SPIRE2: variants seen among roughly 807,000 people sequenced by gnomAD.
The protein encoded by SPIRE2 is protein spire homolog 2.
Under a neutral mutation model 80.7 loss-of-function variants are expected in SPIRE2, and 76 were observed. That is an observed-to-expected ratio of 0.94 (90% CI 0.78 to 1.14). The LOEUF is 1.14. Among genes scored for constraint, SPIRE2 ranks in the 50% most tolerant of loss-of-function variants. The pLI, the probability that SPIRE2 is intolerant of heterozygous loss-of-function variation, is 0.00. For synonymous variants in SPIRE2, 535 were observed against 432.6 expected, an observed-to-expected ratio of 1.24 and a Z score of -2.94; for missense variants, 1,196 against 1,015.3, an observed-to-expected ratio of 1.18 and a Z score of -2.42.
At chr16:89,860,566 T>G in intron 9 of SPIRE2, 117 bp from the exon 10 acceptor site, 1 of 699,118 alleles carries the variant, frequency 1.4e-6, no homozygotes. Flanking sequence ...GCTTCTCCCC[T>G]TGACCTTTTG....
At chr16:89,862,339 C>G (rs2041752550) in intron 10 of SPIRE2, 1 of 152,230 alleles carries the variant, frequency 6.6e-6, no homozygotes, top group Non-Finnish European at 1.5e-5. Flanking sequence ...TGAGCCACCG[C>G]ACCCGGCCAA....
At position 89,842,229 on chromosome 16, in the gene SPIRE2, T is replaced by TTTTTTTTTTTTTTTTTTTTTC. The variant is rs1299656862; in HGVS notation, c.245-3092_245-3091insTTTTTTTTTTTTTTTTTTTCT. Among the ~76,000 whole-genome samples the TTTTTTTTTTTTTTTTTTTTTC allele has an allele frequency of 2.2e-5, 3 of 137,372 alleles. 1 individual carries two copies. Among genetic ancestry groups the TTTTTTTTTTTTTTTTTTTTTC allele is most frequent in the African/African-American group, 9.1e-5 (3 of 32,940 alleles). 90.1% of individuals were successfully genotyped at this position (137,372 alleles called of 152,430 possible). Reference sequence around the variant, plus strand: ...CGTAATTTTTTTTTTTTTTTTTTTTTTGTGACGGAGTCTCACTCTGTTGCC... The same window carrying TTTTTTTTTTTTTTTTTTTTTC: ...CGTAATTTTTTTTTTTTTTTTTTTTTTTTTTTTTTTTTTTTTTTTTCTGTGACGGAGTCTCACTCTGTTGCC... On this transcript the variant is annotated intron_variant, in intron 1 of 14. Transcript: ENST00000378247.
At position 89,855,525 on chromosome 16, in the gene SPIRE2, G is replaced by A. The variant is rs1485078600; in HGVS notation, c.892-75G>A. On this transcript the variant is annotated intron_variant, in intron 5 of 14. Transcript: ENST00000378247. Reference sequence around the variant, plus strand: ...GCGAAGACCAGGCTGTCCTTGGGCTGAGCAGGCCTCTCCCAGTCGCCCTGC... The same window carrying A: ...GCGAAGACCAGGCTGTCCTTGGGCTAAGCAGGCCTCTCCCAGTCGCCCTGC... 1.8e-5 allele frequency: 25 copies of A among 1,355,846 alleles called. No homozygotes were observed. The East Asian group carries it at 5.2e-4, about 28-fold the overall frequency. The allele number at this position is 1,355,846 out of a possible 1,614,324, so 84.0% of individuals were successfully genotyped here.
In SPIRE2 at chr16:89,863,459, C is replaced by T. The variant is rs745547664; in HGVS notation, c.1576-17C>T. ...GCCTCCTGCATAGAAGACTTCCTAC[C>T]TGAGGCCGTCCCCTAGGAGTTCAGC... On this transcript the variant is annotated splice_polypyrimidine_tract_variant and intron_variant, in intron 10 of 14. Transcript: ENST00000378247. The surrounding 1 kb of genome is among the most constrained non-coding windows in gnomAD (Gnocchi z 4.3). 2 of 1,613,656 alleles carry T rather than the reference C, an allele frequency of 1.2e-6. No individual in the cohort carries two copies. Among genetic ancestry groups the T allele is most frequent in the Non-Finnish European group, 1.7e-6 (2 of 1,179,984 alleles).
At chr16:89,861,057 C>G (rs2041740054) in intron 10 of SPIRE2, among the ~76,000 whole-genome samples, 1 of 152,122 alleles carries the variant, frequency 6.6e-6, no homozygotes, top group Admixed American at 6.5e-5. Flanking sequence ...TTGAAGGGTT[C>G]AGTGTGGGGT....
In SPIRE2 at chr16:89,854,473, C is replaced by T; in HGVS notation, c.727-14C>T. On this transcript the variant is annotated splice_polypyrimidine_tract_variant and intron_variant, in intron 4 of 14. Transcript: ENST00000378247. ...ACCTGGGGCTGAGACCCATTCTCTT[C>T]CCCTGGGGCCCAGGCCCGACTGTGG... The T allele has an allele frequency of 1.2e-6, 2 of 1,611,480 alleles. No individual in the cohort carries two copies. Among genetic ancestry groups the T allele is most frequent in the Non-Finnish European group, 1.7e-6 (2 of 1,179,054 alleles).
intron 1 of SPIRE2, among the ~76,000 whole-genome samples, chr16:89,833,056 T>G (rs1444180509): frequency 6.6e-6 from 1 of 151,168 alleles, no homozygotes; most frequent in Non-Finnish European, 1.5e-5. Flanking sequence ...AATGCCGTGA[T>G]CTCAGCTCAC....
rs373886699 is a variant in SPIRE2 at position 89,858,375 on chromosome 16, C to T, written c.1140C>T (p.Ser380=). The T allele has an allele frequency of 1.6e-5, 25 of 1,611,368 alleles. No homozygotes were observed. The highest frequency in any genetic ancestry group is 4.4e-5 in the South Asian group (4 of 90,530). The part of the protein sequence containing the change: ...GSLPCILNAC[S]GDAKSTSCIN... ...TGCCCTGCATCCTCAACGCCTGCTC[C>T]GGAGATGCCAAGTCCACCTCCTGCA... The change falls in exon 8 of 15, where the codon TCC becomes TCT. Residue 380 remains serine, a synonymous_variant. Coordinates refer to ENST00000378247, the MANE Select transcript of SPIRE2 (RefSeq NM_032451.2).
intron 1 of SPIRE2, among the ~76,000 whole-genome samples, chr16:89,830,908 CTTTTT>C (rs146029809): frequency 4.3e-5 from 5 of 117,306 alleles, no homozygotes; most frequent in Non-Finnish European, 3.5e-5. Context: ...TGCTTAGAAT[CTTTTT>C]TTTTTTTTTT....
rs182816072 is a variant in SPIRE2, at chr16:89,845,918, A to G, written c.288+553A>G. On this transcript the variant is annotated intron_variant, in intron 2 of 14. Coordinates refer to ENST00000378247, the MANE Select transcript of SPIRE2 (RefSeq NM_032451.2). ...TTTTATTTTATTTTATTGTTTTGAG[A>G]TGGAGTCGCGCTCTGTCGCCCAGGC... 295 of 436,990 alleles carry G rather than the reference A, an allele frequency of 6.8e-4. 1 individual carries two copies. Among genetic ancestry groups the G allele is most frequent in the African/African-American group, 5.0e-3 (242 of 48,462 alleles). 27.1% of individuals were successfully genotyped at this position (436,990 alleles called of 1,614,324 possible). A position where few individuals can be genotyped will look rare whatever the true frequency, so the allele number is the denominator to read the frequency against.
chr16:89,869,515 C>T, intron 13 of SPIRE2, 52 bp from the exon 14 acceptor site: 5 of 1,292,214 alleles, frequency 3.9e-6, no homozygotes, highest in Non-Finnish European at 5.6e-6. Flanking sequence ...ACTGAGTGTA[C>T]CTGAATGTCT....
chr16:89,837,096 G>A (rs1162950116), intron 1 of SPIRE2, among the ~76,000 whole-genome samples: 1 of 152,196 alleles, frequency 6.6e-6, no homozygotes, highest in Non-Finnish European at 1.5e-5. Flanking sequence ...CCCGTCGCGT[G>A]GGTTCTGGAA....
chr16:89,857,600 C>T (rs1215847344), intron 7 of SPIRE2, among the ~76,000 whole-genome samples: 1 of 146,882 alleles, frequency 6.8e-6, no homozygotes, highest in African/African-American at 2.5e-5. Context: ...GATGGAGTTT[C>T]GCCCTTTTTG....
chr16:89,839,509 A>T (rs1242183968), intron 1 of SPIRE2, among the ~76,000 whole-genome samples: 1 of 151,832 alleles, frequency 6.6e-6, no homozygotes, highest in Non-Finnish European at 1.5e-5. Flanking sequence ...GGCTGTTGCT[A>T]GTTCGTGGGT....
At chr16:89,829,063 A>T (rs1309763797) in intron 1 of SPIRE2, among the ~76,000 whole-genome samples, 1 of 151,848 alleles carries the variant, frequency 6.6e-6, no homozygotes, top group African/African-American at 2.4e-5. Flanking sequence ...CCCAGCGCGG[A>T]GCGGGCTGCT....
At chr16:89,855,258 G>A (rs1018720329) in intron 5 of SPIRE2, among the ~76,000 whole-genome samples, 7 of 152,080 alleles carry the variant, frequency 4.6e-5, no homozygotes, top group African/African-American at 7.2e-5. Context: ...TATTTTTGCC[G>A]TAACAAAACT....
Position 89,860,699 on chromosome 16 carries a change from T to A in SPIRE2, c.1479T>A (p.Ser493Arg). ...GSRDQGTCPA[S>R]VSDPSHPLLS... ...CTCCCCCAGGTACCTGTCCCGCGAG[T>A]GTCTCTGACCCCAGCCACCCCCTAC... The change falls in exon 10 of 15, where the codon AGT becomes AGA. Residue 493 changes from serine (S) to arginine (R), a missense_variant. Physicochemically the swap from Ser to Arg is moderately radical, Grantham distance 110 (BLOSUM62 -1). Transcript: ENST00000378247. The A allele has an allele frequency of 6.3e-7, 1 of 1,592,432 alleles. No individual in the cohort carries two copies. Among genetic ancestry groups the A allele is most frequent in the Non-Finnish European group, 8.5e-7 (1 of 1,169,926 alleles).
At position 89,850,603 on chromosome 16, in the gene SPIRE2, C is replaced by G. The variant is rs2041615689; in HGVS notation, c.588C>G (p.Leu196=). Residue 196 remains leucine, a synonymous_variant, in exon 3 of 15, where the codon CTC becomes CTG. Coordinates refer to ENST00000378247, the MANE Select transcript of SPIRE2 (RefSeq NM_032451.2). ...QAHYQAVCRA[L]FVETLELRAF... ...ATTACCAGGCCGTGTGCCGCGCGCT[C>G]TTCGTGGAGACGCTGGAGCTGCGGG... The G allele has an allele frequency of 6.6e-7, 1 of 1,519,314 alleles. No homozygotes were observed. The highest frequency in any genetic ancestry group is 1.2e-5 in the South Asian group (1 of 81,934). The allele number at this position is 1,519,314 out of a possible 1,614,324, so 94.1% of individuals were successfully genotyped here.
At chr16:89,849,414 T>C (rs959019730) in intron 2 of SPIRE2, among the ~76,000 whole-genome samples, 1 of 152,146 alleles carries the variant, frequency 6.6e-6, no homozygotes, top group Non-Finnish European at 1.5e-5. Context: ...GTACGTGATG[T>C]GCAGGGCCCG....
Sources: allele counts gnomAD v4.1 joint callset (sites outside exome capture counted in the v4.1 genomes callset), GRCh38; gene constraint gnomAD v4.1.1; non-coding constraint Gnocchi (gnomAD v3.1); transcripts MANE v1.5; gene names NCBI Gene and HGNC (gene_info 2026-07-23, HGNC 2026-07-21).